Variants in PRKG1 observed in about 807,000 individuals in gnomAD.
PRKG1 encodes protein kinase cGMP-dependent 1, also known as cGMP-dependent protein kinase 1.
PRKG1 carries 35 observed loss-of-function variants against 88.1 expected under a neutral mutation model. The observed-to-expected ratio is 0.40, with a 90% CI of 0.30 to 0.53. PRKG1 has a LOEUF of 0.53. PRKG1 is among the 20% of genes least tolerant of loss of function. The pLI is 0.59. For synonymous variants in PRKG1, 303 were observed against 292.5 expected, an observed-to-expected ratio of 1.04 and a Z score of -0.37; for missense variants, 540 against 839.8, an observed-to-expected ratio of 0.64 and a Z score of 4.41.
chr10:51,339,115 T>C (rs1362854136), intron 2 of PRKG1, among the ~76,000 whole-genome samples: 2 of 152,186 alleles, frequency 1.3e-5, no homozygotes, highest in African/African-American at 4.8e-5. Flanking sequence ...CTCTATTTTC[T>C]AGGCAAAATC....
chr10:51,041,282 G>A (rs759589592), intron 1 of PRKG1, among the ~76,000 whole-genome samples: 1 of 152,074 alleles, frequency 6.6e-6, no homozygotes, highest in Non-Finnish European at 1.5e-5. Flanking sequence ...GCCTGGAATC[G>A]GGGACCCCAG....
intron 2 of PRKG1, among the ~76,000 whole-genome samples, chr10:51,395,078 G>T (rs1345293448): frequency 6.6e-6 from 1 of 152,122 alleles, no homozygotes; most frequent in East Asian, 1.9e-4. Flanking sequence ...TAGGGATGTG[G>T]TCTGTATTTT....
chr10:51,521,431 G>A (rs10823125), intron 3 of PRKG1, among the ~76,000 whole-genome samples: 1 of 152,164 alleles, frequency 6.6e-6, no homozygotes, highest in Non-Finnish European at 1.5e-5. Context: ...TATATGAAAG[G>A]TGAAGGCTGT....
intron 9 of PRKG1, among the ~76,000 whole-genome samples, chr10:52,166,819 G>GTA (rs370403466): frequency 0.49 from 26,692 of 54,834 alleles, 4,885 homozygotes; most frequent in Non-Finnish European, 0.55. Context: ...GTATATATAT[G>GTA]TATATATATG....
rs374772541 is a variant in PRKG1 at position 51,036,580 on chromosome 10, A to G, written c.266+44936A>G. Among the ~76,000 whole-genome samples the G allele has an allele frequency of 1.5e-4, 23 of 152,236 alleles. No individual in the cohort carries two copies. In the East Asian group the frequency reaches 1.5e-3, roughly 10 times the overall value. On this transcript the variant is annotated intron_variant, in intron 1 of 17. Transcript: ENST00000401604. ...TTCAAATGACTCATCTTTTCTTTTC[A>G]TGCTTTTCATCAATAGCTTCATTTA...
chr10:51,001,773 C>CT (rs1173691448), intron 1 of PRKG1, among the ~76,000 whole-genome samples: 2 of 152,000 alleles, frequency 1.3e-5, no homozygotes, highest in African/African-American at 4.8e-5. Flanking sequence ...GAGGGGGAGA[C>CT]ATAGAGAGAT....
chr10:51,129,436 C>T (rs1026795352), intron 1 of PRKG1, among the ~76,000 whole-genome samples: 3 of 151,296 alleles, frequency 2.0e-5, no homozygotes, highest in South Asian at 4.2e-4. Flanking sequence ...TAGAGTGAGA[C>T]TCCGTCTCAA....
intron 2 of PRKG1, among the ~76,000 whole-genome samples, chr10:51,177,675 A>G (rs1837231393): frequency 6.6e-6 from 1 of 152,182 alleles, no homozygotes; most frequent in African/African-American, 2.4e-5. Context: ...GGAATATCAT[A>G]TACAATGTAT....
At chr10:51,424,723 GTT>G (rs945724125) in intron 2 of PRKG1, among the ~76,000 whole-genome samples, 3 of 152,056 alleles carry the variant, frequency 2.0e-5, no homozygotes, top group Non-Finnish European at 4.4e-5. Flanking sequence ...CTATCTTAGT[GTT>G]TATATTTCAA....
At chr10:51,419,806 T>A (rs1225900140) in intron 2 of PRKG1, among the ~76,000 whole-genome samples, 2 of 147,034 alleles carry the variant, frequency 1.4e-5, no homozygotes, top group African/African-American at 4.9e-5. Flanking sequence ...AGCCAATAAT[T>A]TTTTTTTTTT....
At chr10:51,688,981 G>A (rs2132386711) in intron 3 of PRKG1, among the ~76,000 whole-genome samples, 1 of 152,112 alleles carries the variant, frequency 6.6e-6, no homozygotes, top group African/African-American at 2.4e-5. Context: ...ATAGTGAGTG[G>A]GTTTCATGAG....
intron 3 of PRKG1, among the ~76,000 whole-genome samples, chr10:51,503,223 GT>G (rs1254827867): frequency 1.3e-5 from 2 of 152,008 alleles, no homozygotes; most frequent in African/African-American, 4.8e-5. Flanking sequence ...TCCAATGTTT[GT>G]TCCCATAGAA....
At chr10:51,393,676 A>G (rs1837500562) in intron 2 of PRKG1, among the ~76,000 whole-genome samples, 1 of 152,178 alleles carries the variant, frequency 6.6e-6, no homozygotes, top group Non-Finnish European at 1.5e-5. Context: ...TCATAATCCC[A>G]AAGAATTTCA....
At chr10:51,091,903 C>T (rs1384700801) in intron 1 of PRKG1, among the ~76,000 whole-genome samples, 1 of 152,136 alleles carries the variant, frequency 6.6e-6, no homozygotes, top group Non-Finnish European at 1.5e-5. Context: ...CTGAGATCAC[C>T]TGTTGCTGCC....
chr10:51,625,026 T>G (rs1359923641), intron 3 of PRKG1, among the ~76,000 whole-genome samples: 2 of 152,230 alleles, frequency 1.3e-5, no homozygotes, highest in Non-Finnish European at 2.9e-5. Context: ...AACAATGTAT[T>G]GTATATTTCA....
chr10:51,209,085 G>T (rs904681289), intron 2 of PRKG1, among the ~76,000 whole-genome samples: 5 of 152,134 alleles, frequency 3.3e-5, no homozygotes, highest in African/African-American at 1.2e-4. Flanking sequence ...GTTTTCTTAA[G>T]CCACCCATGA....
chr10:51,896,131 A>G (rs1427138163), intron 4 of PRKG1, among the ~76,000 whole-genome samples: 1 of 152,156 alleles, frequency 6.6e-6, no homozygotes, highest in African/African-American at 2.4e-5. Flanking sequence ...AATCAAACAC[A>G]TATGATTTGA....
chr10:52,086,722 A>G (rs1481366817), intron 7 of PRKG1, among the ~76,000 whole-genome samples: 1 of 152,028 alleles, frequency 6.6e-6, no homozygotes, highest in Non-Finnish European at 1.5e-5. Flanking sequence ...AATTCCCTCA[A>G]ACAATTCGCT....
At chr10:51,822,384 A>G (rs375687285) in intron 4 of PRKG1, among the ~76,000 whole-genome samples, 144 of 152,270 alleles carry the variant, frequency 9.5e-4, no homozygotes, top group African/African-American at 3.4e-3. Context: ...ACTCCTAAAA[A>G]CAAGAGCGTG....
Sources: allele counts gnomAD v4.1 joint callset (sites outside exome capture counted in the v4.1 genomes callset), GRCh38; gene constraint gnomAD v4.1.1; transcripts MANE v1.5; gene names NCBI Gene and HGNC (gene_info 2026-07-23, HGNC 2026-07-21).